The following NFASC variants were observed in gnomAD, a reference collection of about 807,000 sequenced individuals.
The protein encoded by NFASC is neurofascin homolog.
A neutral mutation model predicts 147.5 loss-of-function variants in NFASC; 43 were observed. The ratio of observed to expected loss-of-function variants is 0.29; its 90% CI spans 0.23 to 0.38. The LOEUF (loss-of-function observed/expected upper bound fraction) is 0.38, where lower values mean the gene tolerates loss of function less well. Ranked by LOEUF, NFASC falls within the 10% of genes least tolerant of loss-of-function variation. The pLI is 1.00. For missense variants in NFASC, 1,320 were observed against 1,689.0 expected, an observed-to-expected ratio of 0.78 and a Z score of 3.83; for synonymous variants, 622 against 665.5, an observed-to-expected ratio of 0.93 and a Z score of 1.01.
intron 1 of NFASC, among the ~76,000 whole-genome samples, chr1:204,851,170 A>T (rs1296262234): frequency 6.6e-6 from 1 of 152,198 alleles, no homozygotes; most frequent in East Asian, 1.9e-4. Context: ...AAAATTTAAA[A>T]CTGACAAAGC....
At chr1:204,962,280 G>T in intron 8 of NFASC, 1 of 823,118 alleles carries the variant, frequency 1.2e-6, no homozygotes, top group Non-Finnish European at 2.0e-6. Flanking sequence ...GGGTGCCAAG[G>T]TGACACCTCC....
intron 8 of NFASC, among the ~76,000 whole-genome samples, chr1:204,962,403 C>G (rs1317902600): frequency 6.6e-6 from 1 of 152,158 alleles, no homozygotes; most frequent in South Asian, 2.1e-4. Flanking sequence ...GTTGTTCAAA[C>G]CAGGGTAGGA....
At chr1:204,978,871 C>T (rs1007960616) in intron 17 of NFASC, 97 bp from the exon 18 acceptor site, 8 of 943,356 alleles carry the variant, frequency 8.5e-6, no homozygotes, top group African/African-American at 3.3e-5. Flanking sequence ...CAGCTGGTAG[C>T]GAAGACAGCC....
At chr1:204,844,824 G>A (rs973958083) in intron 1 of NFASC, among the ~76,000 whole-genome samples, 1 of 152,210 alleles carries the variant, frequency 6.6e-6, no homozygotes, top group African/African-American at 2.4e-5. Context: ...AGGATTCTGG[G>A]TGGGAGAGTT....
chr1:204,900,620 A>G (rs2084353037), intron 1 of NFASC, among the ~76,000 whole-genome samples: 1 of 152,218 alleles, frequency 6.6e-6, no homozygotes, highest in Non-Finnish European at 1.5e-5. Flanking sequence ...ATATGTGTAC[A>G]TTAGGTGGTG....
At chr1:205,013,545 G>T (rs367690287) in intron 29 of NFASC, among the ~76,000 whole-genome samples, 24 of 152,252 alleles carry the variant, frequency 1.6e-4, no homozygotes, top group African/African-American at 4.8e-4. Context: ...GCCAGGTCCC[G>T]CATTTCCAGC....
chr1:204,886,150 G>A (rs945763311), intron 1 of NFASC, among the ~76,000 whole-genome samples: 27 of 152,300 alleles, frequency 1.8e-4, no homozygotes, highest in Middle Eastern at 3.4e-3. Flanking sequence ...CCAAACAAAT[G>A]AAGCTGATTT....
chr1:204,969,223 G>C (rs1021070633), intron 10 of NFASC, among the ~76,000 whole-genome samples: 2 of 152,136 alleles, frequency 1.3e-5, no homozygotes, highest in Admixed American at 6.5e-5. Context: ...AACTCTCCTT[G>C]GTGCCAGCGC....
At chr1:204,971,537 G>C (rs11802842) in intron 11 of NFASC, among the ~76,000 whole-genome samples, 39 of 152,182 alleles carry the variant, frequency 2.6e-4, no homozygotes, top group Admixed American at 5.9e-4. Flanking sequence ...AGGTGGAGAG[G>C]GGGGGACACA....
intron 21 of NFASC, among the ~76,000 whole-genome samples, chr1:204,982,657 T>C (rs901999019): frequency 6.6e-6 from 1 of 152,236 alleles, no homozygotes; most frequent in Non-Finnish European, 1.5e-5. Flanking sequence ...CATGGACATA[T>C]ATGCCTGGCT....
At chr1:204,971,961 T>G (rs2095270764) in intron 11 of NFASC, among the ~76,000 whole-genome samples, 1 of 152,146 alleles carries the variant, frequency 6.6e-6, no homozygotes, top group Non-Finnish European at 1.5e-5. Context: ...CACCTGTCAC[T>G]CTCCCCAGGG....
intron 29 of NFASC, among the ~76,000 whole-genome samples, chr1:205,014,159 G>T (rs765524122): frequency 6.6e-6 from 1 of 152,176 alleles, no homozygotes; most frequent in Non-Finnish European, 1.5e-5. Context: ...CCTGTACTGC[G>T]AGGAGTTGCT....
Position 204,957,761 on chromosome 1 carries a change from A to G in NFASC, c.641A>G (p.Asn214Ser). Residue 214 changes from asparagine (N) to serine (S), a missense_variant, in exon 8 of 30, where the codon AAC (asparagine) becomes AGC (serine). Physicochemically the swap from Asn to Ser is conservative, Grantham distance 46. Coordinates refer to ENST00000339876, the MANE Select transcript of NFASC (RefSeq NM_001005388.3). Reference protein sequence around the residue: ...LQDMQTDYSCNARFHFTHTIQ... With the variant: ...LQDMQTDYSCSARFHFTHTIQ... ...GACATGCAGACCGACTACAGTTGTA[A>G]CGCCCGCTTCCACTTCACCCACACC... is the stretch of plus-strand genomic sequence containing the variant. The G allele has an allele frequency of 6.2e-7, 1 of 1,614,160 alleles. No individual in the cohort carries two copies. The highest frequency in any genetic ancestry group is 1.1e-5 in the South Asian group (1 of 91,080).
At chr1:204,983,131 C>A (rs1390482644) in intron 21 of NFASC, among the ~76,000 whole-genome samples, 2 of 152,170 alleles carry the variant, frequency 1.3e-5, no homozygotes. Flanking sequence ...GACCAGCCCA[C>A]AGTTTCCATT....
intron 1 of NFASC, among the ~76,000 whole-genome samples, chr1:204,905,390 G>T: frequency 6.6e-6 from 1 of 150,996 alleles, no homozygotes. Context: ...TTTCATAGTA[G>T]CCATTCTAAT....
intron 21 of NFASC, chr1:204,984,323 A>T: frequency 2.1e-6 from 1 of 472,672 alleles, no homozygotes; most frequent in South Asian, 2.4e-5. Flanking sequence ...AAAAAAAATT[A>T]TATATATATG....
intron 7 of NFASC, among the ~76,000 whole-genome samples, chr1:204,956,341 T>TGGC (rs1254091295): frequency 6.6e-6 from 1 of 152,214 alleles, no homozygotes; most frequent in Non-Finnish European, 1.5e-5. Context: ...ATTCCAGATC[T>TGGC]GGCCCTCTGC....
At chr1:204,995,106 CA>C (rs1652644205) in intron 24 of NFASC, among the ~76,000 whole-genome samples, 1 of 152,118 alleles carries the variant, frequency 6.6e-6, no homozygotes, top group Admixed American at 6.5e-5. Flanking sequence ...GGTGACAGAG[CA>C]AGATCCCGTC....
chr1:204,871,215 G>A (rs1171112432), intron 1 of NFASC: 2 of 790,570 alleles, frequency 2.5e-6, no homozygotes, highest in African/African-American at 1.8e-5. Flanking sequence ...GTGCACAAGG[G>A]CTGCAAGAAT....
Sources: gnomAD v4.1 joint callset for allele counts (sites outside exome capture counted in the v4.1 genomes callset) on GRCh38, gnomAD v4.1.1 for gene constraint, MANE v1.5 for transcripts, NCBI Gene and HGNC (gene_info 2026-07-23, HGNC 2026-07-21) for gene names.